ANKHD1: variants seen among roughly 807,000 people sequenced by gnomAD.
ANKHD1 encodes ankyrin repeat and KH domain-containing protein 1.
ANKHD1 carries 31 observed loss-of-function variants against 230.5 expected under a neutral mutation model. That is an observed-to-expected ratio of 0.13 (90% CI 0.10 to 0.18). The LOEUF (loss-of-function observed/expected upper bound fraction) is 0.18, where lower values mean the gene tolerates loss of function less well. Among genes scored for constraint, ANKHD1 ranks in the 10% least tolerant of loss-of-function variants. The pLI is 1.00. For missense variants in ANKHD1, 2,256 were observed against 3,071.3 expected, an observed-to-expected ratio of 0.73 and a Z score of 6.27; for synonymous variants, 1,074 against 1,117.6, an observed-to-expected ratio of 0.96 and a Z score of 0.78.
At chr5:140,505,086 T>TA (rs752475269) in intron 16 of ANKHD1, 36 bp from the exon 17 acceptor site, 2 of 1,604,428 alleles carry the variant, frequency 1.2e-6, no homozygotes, top group African/African-American at 1.3e-5. Flanking sequence ...TAACTTCTGT[T>TA]AAAAAAAATT....
chr5:140,466,182 A>C (rs980127846), intron 10 of ANKHD1, among the ~76,000 whole-genome samples: 1 of 152,120 alleles, frequency 6.6e-6, no homozygotes, highest in Admixed American at 6.5e-5. Context: ...ACCTGAGGTC[A>C]GGTGTTAAAG....
intron 1 of ANKHD1, among the ~76,000 whole-genome samples, chr5:140,433,246 A>G (rs1337691137): frequency 2.0e-5 from 3 of 151,788 alleles, no homozygotes; most frequent in Non-Finnish European, 4.4e-5. Context: ...TTGTATTTTT[A>G]GTACAGACAG....
At chr5:140,434,523 TATAC>T (rs949097467) in intron 1 of ANKHD1, among the ~76,000 whole-genome samples, 13 of 151,128 alleles carry the variant, frequency 8.6e-5, no homozygotes, top group African/African-American at 2.7e-4. Flanking sequence ...ATGTAAATAA[TATAC>T]ATACTACATA....
chr5:140,458,688 G>A lies in ANKHD1; in HGVS notation c.1306G>A (p.Asp436Asn). 6.2e-7 allele frequency: 1 copy of A among 1,613,062 alleles called. No homozygotes were observed. The highest frequency in any genetic ancestry group is 8.5e-7 in the Non-Finnish European group (1 of 1,179,558). Residue 436 changes from aspartate to asparagine, a missense_variant, in exon 8 of 34, where the codon GAT becomes AAT. Physicochemically the swap from Asp to Asn is conservative, Grantham distance 23 (BLOSUM62 1). Transcript: ENST00000360839. ...TGGTGCTCAAGTGAACATGCCTGCA[G>A]ATTCATTTGAATCTCCATTGACGCT... ...DSGAQVNMPA[D>N]SFESPLTLAA...
chr5:140,455,039 C>A (rs1775060593), intron 7 of ANKHD1, among the ~76,000 whole-genome samples: 1 of 152,124 alleles, frequency 6.6e-6, no homozygotes, highest in Non-Finnish European at 1.5e-5. Flanking sequence ...GATATCACCA[C>A]CGATCCCACA....
chr5:140,415,439 CTT>C (rs1293254094), intron 1 of ANKHD1, among the ~76,000 whole-genome samples: 9 of 136,346 alleles, frequency 6.6e-5, no homozygotes, highest in Admixed American at 1.5e-4. Context: ...TTTGATACCT[CTT>C]TTTTTTTTTT....
chr5:140,496,802 G>A lies in ANKHD1; in HGVS notation c.2528G>A (p.Arg843Lys). Reference protein sequence around the residue: ...KILKELQKVERQLQMKTQQQF... With the variant: ...KILKELQKVEKQLQMKTQQQF... ...TTGAAAGAACTGCAGAAAGTGGAAA[G>A]GCAGTTGCAGATGAAAACACAGCAG... Residue 843 changes from arginine (R) to lysine (K), a missense_variant, in exon 15 of 34, where the codon AGG becomes AAG. Transcript: ENST00000360839. 1 of 1,614,056 alleles carries A rather than the reference G, an allele frequency of 6.2e-7. No individual in the cohort carries two copies. Among genetic ancestry groups the A allele is most frequent in the Non-Finnish European group, 8.5e-7 (1 of 1,180,026 alleles).
In ANKHD1 at chr5:140,428,975, A is replaced by G. The variant is rs1018141038; in HGVS notation, c.307-7129A>G. ...TTTTTTTTGTATTTTTAGTAGAGAC[A>G]GGGTTTCACCATGTTGGCCAGGCTG... is the stretch of plus-strand genomic sequence containing the variant. On this transcript the variant is annotated intron_variant, in intron 1 of 33. Transcript: ENST00000360839. Among the ~76,000 whole-genome samples, 138 of 151,662 alleles carry G rather than the reference A, an allele frequency of 9.1e-4. 2 individuals are homozygous for G. The highest frequency in any genetic ancestry group is 3.1e-3 in the African/African-American group (128 of 41,314).
intron 31 of ANKHD1, 84 bp from the exon 32 acceptor site, chr5:140,538,002 G>A (rs1445323303): frequency 7.3e-6 from 11 of 1,500,084 alleles, no homozygotes; most frequent in Non-Finnish European, 9.8e-6. Context: ...AGTAACATTT[G>A]GTCATGTTTG....
In ANKHD1 at chr5:140,486,973, A is replaced by G; in HGVS notation, c.2158A>G (p.Thr720Ala). 3 of 1,612,600 alleles carry G rather than the reference A, an allele frequency of 1.9e-6. No individual in the cohort carries two copies. The highest frequency in any genetic ancestry group is 1.3e-5 in the African/African-American group (1 of 75,010). ...GACTTTTTAGGTGCCACGTGTGCCA[A>G]CGCATACACTTGCCATGGTTGTACC... ...QDQSQVPRVP[T>A]HTLAMVVPPQ... Residue 720 changes from threonine (T) to alanine (A), a missense_variant, in exon 14 of 34, where the codon ACG (threonine) becomes GCG (alanine). By Grantham distance (58) the Thr-to-Ala change is moderately conservative (BLOSUM62 0). Transcript: ENST00000360839.
chr5:140,537,740 G>A (rs1204418472), intron 31 of ANKHD1, 151 bp downstream of exon 31: 8 of 1,257,186 alleles, frequency 6.4e-6, no homozygotes, highest in Non-Finnish European at 8.3e-6. Context: ...TCTTTGAGGA[G>A]TTCAGTCCAA....
In ANKHD1 at chr5:140,526,012, C is replaced by A. The variant is rs752836802; in HGVS notation, c.4509C>A (p.Pro1503=). ...ENDEDVEQEV[P]IEPPSATTTT... is the part of the protein sequence containing the mutation. ...CAATTTCAGTGGAGCAAGAAGTTCC[C>A]ATAGAACCTCCTAGTGCAACCACCA... The change falls in exon 26 of 34, where the codon CCC becomes CCA. Residue 1503 remains proline (P), a synonymous_variant. Coordinates refer to ENST00000360839, the MANE Select transcript of ANKHD1 (RefSeq NM_017747.3). 6.3e-6 allele frequency: 10 copies of A among 1,579,336 alleles called. No homozygotes were observed. Among genetic ancestry groups the A allele is most frequent in the Non-Finnish European group, 8.6e-6 (10 of 1,169,212 alleles).
chr5:140,473,545 A>T (rs2127000372), intron 10 of ANKHD1, among the ~76,000 whole-genome samples: 1 of 151,924 alleles, frequency 6.6e-6, no homozygotes, highest in South Asian at 2.1e-4. Flanking sequence ...GGCTCAAGTG[A>T]TCTTCCTGCC....
At chr5:140,536,078 C>A (rs10476933) in intron 30 of ANKHD1, among the ~76,000 whole-genome samples, 2 of 151,672 alleles carry the variant, frequency 1.3e-5, no homozygotes, top group South Asian at 2.1e-4. Context: ...TAAAATATTC[C>A]TTTGTTCTAT....
rs778750253 is a variant in ANKHD1, at chr5:140,404,939, GTC to G, written c.306+2676_306+2677del. On this transcript the variant is annotated intron_variant, in intron 1 of 33. Coordinates refer to ENST00000360839, the MANE Select transcript of ANKHD1 (RefSeq NM_017747.3). ...AGTTTGCCCCCAAAGTCATAAATTT[GTC>G]TCTCTCTCTTTCTGACTGTGCATGT... Among the ~76,000 whole-genome samples, 9 of 149,448 alleles carry G rather than the reference GTC, an allele frequency of 6.0e-5. No homozygotes were observed. In the Middle Eastern group the frequency reaches 0.014, roughly 227 times the overall value.
chr5:140,427,702 C>T (rs1772625594), intron 1 of ANKHD1, among the ~76,000 whole-genome samples: 1 of 146,768 alleles, frequency 6.8e-6, no homozygotes, highest in African/African-American at 2.5e-5. Flanking sequence ...AGGGGCTCCT[C>T]ACTTCCCAGT....
chr5:140,406,594 G>A (rs1280073253), intron 1 of ANKHD1, among the ~76,000 whole-genome samples: 8 of 147,126 alleles, frequency 5.4e-5, no homozygotes, highest in Admixed American at 3.4e-4. Context: ...GAGTCTTGTC[G>A]CCCAGGCTGG....
chr5:140,478,363 CTTTTTTTTT>C (rs912642983), intron 10 of ANKHD1, among the ~76,000 whole-genome samples: 1 of 127,862 alleles, frequency 7.8e-6, no homozygotes, highest in Non-Finnish European at 1.7e-5. Flanking sequence ...CTTTCTTTTT[CTTTTTTTTT>C]TTTTTTAGGG....
rs1365597210 is a variant in ANKHD1, at chr5:140,528,598, T to C, written c.5652T>C (p.Ser1884=). Residue 1884 remains serine (S), a synonymous_variant, in exon 29 of 34, where the codon TCT becomes TCC. Coordinates refer to ENST00000360839, the MANE Select transcript of ANKHD1 (RefSeq NM_017747.3). ...MAQFGGTFSP[S]PNTWGPFPVR... is the part of the protein sequence containing the mutation. ...AGTTTGGAGGAACCTTCTCACCTTC[T>C]CCTAACACATGGGGACCATTCCCAG... is the stretch of plus-strand genomic sequence containing the variant. The C allele has an allele frequency of 6.2e-7, 1 of 1,614,136 alleles. No individual in the cohort carries two copies. The highest frequency in any genetic ancestry group is 1.7e-5 in the Admixed American group (1 of 60,016).
Sources: gnomAD v4.1 joint callset for allele counts (sites outside exome capture counted in the v4.1 genomes callset) on GRCh38, gnomAD v4.1.1 for gene constraint, MANE v1.5 for transcripts, NCBI Gene and HGNC (gene_info 2026-07-23, HGNC 2026-07-21) for gene names.